The following PPP6R2 variants were observed in gnomAD, a reference collection of about 807,000 sequenced individuals.
PPP6R2 encodes the protein protein phosphatase 6 regulatory subunit 2.
Under a neutral mutation model 100.2 loss-of-function variants are expected in PPP6R2, and 62 were observed. The observed-to-expected ratio is 0.62, with a 90% CI of 0.50 to 0.76. The LOEUF is 0.76. Among genes scored for constraint, PPP6R2 ranks in the 30% least tolerant of loss-of-function variants. The probability of loss-of-function intolerance (pLI) is 0.00; values close to 1 mark genes in which losing one functional copy is unlikely to be tolerated. For synonymous variants in PPP6R2, 525 were observed against 514.7 expected (o/e 1.02, Z -0.27); for missense variants, 1,142 against 1,276.3 (o/e 0.89, Z 1.60).
chr22:50,413,670 A>ACCCCCCCCT (rs138644041), intron 4 of PPP6R2, among the ~76,000 whole-genome samples: 32 of 144,832 alleles, frequency 2.2e-4, no homozygotes, highest in East Asian at 6.4e-4. Flanking sequence ...CTCCTCCCCT[A>ACCCCCCCCT]CCCCCTCCTC....
At chr22:50,349,363 CAAAA>C (rs1225878624) in intron 1 of PPP6R2, among the ~76,000 whole-genome samples, 4 of 56,332 alleles carry the variant, frequency 7.1e-5, no homozygotes, top group East Asian at 8.9e-4. Flanking sequence ...GACCCTGTCT[CAAAA>C]AAAAAAAAAA....
At position 50,350,916 on chromosome 22, in the gene PPP6R2, T is replaced by C. The variant is rs552508826; in HGVS notation, c.-148+7366T>C. On this transcript the variant is annotated intron_variant, in intron 1 of 23. Coordinates refer to ENST00000612753, the MANE Select transcript of PPP6R2 (RefSeq NM_001242898.2). Reference sequence around the variant, plus strand: ...AGTATGTTAGCAGGCATGACAACATTAGTCTCCTTGTACATCTTAATCAGA... The same window carrying C: ...AGTATGTTAGCAGGCATGACAACATCAGTCTCCTTGTACATCTTAATCAGA... Among the ~76,000 whole-genome samples, 23 of 151,882 alleles carry C rather than the reference T, an allele frequency of 1.5e-4. 1 individual carries two copies. Among genetic ancestry groups the C allele is most frequent in the East Asian group, 3.9e-4 (2 of 5,120 alleles).
At chr22:50,365,910 G>T (rs1240322247) in intron 1 of PPP6R2, among the ~76,000 whole-genome samples, 2 of 151,948 alleles carry the variant, frequency 1.3e-5, no homozygotes, top group Non-Finnish European at 2.9e-5. Context: ...TAACTCATCT[G>T]TGTCATTTCT....
chr22:50,391,981 G>C (rs1048887428), intron 2 of PPP6R2: 6 of 150,622 alleles, frequency 4.0e-5, no homozygotes, highest in African/African-American at 9.7e-5. Context: ...GACAAGGTTG[G>C]ATTCACTTCT....
At chr22:50,352,869 C>G (rs2045635228) in intron 1 of PPP6R2, among the ~76,000 whole-genome samples, 1 of 151,980 alleles carries the variant, frequency 6.6e-6, no homozygotes, top group Non-Finnish European at 1.5e-5. Flanking sequence ...GAGTTTGAGA[C>G]CAACCTGAGT....
chr22:50,337,336 T>C, the PPP6R2 span, among the ~76,000 whole-genome samples: 1 of 139,176 alleles, frequency 7.2e-6, no homozygotes. Flanking sequence ...GTGGTGTGTG[T>C]GTCTGCGATG....
chr22:50,377,574 A>G (rs1270982379), intron 2 of PPP6R2, among the ~76,000 whole-genome samples: 1 of 152,240 alleles, frequency 6.6e-6, no homozygotes, highest in African/African-American at 2.4e-5. Flanking sequence ...ATGATGGGAA[A>G]CATAGGCCAG....
chr22:50,381,882 C>T (rs113305078), intron 2 of PPP6R2, among the ~76,000 whole-genome samples: 19 of 144,058 alleles, frequency 1.3e-4, no homozygotes, highest in Non-Finnish European at 2.5e-4. Context: ...CACTCCAGCC[C>T]GGGTGACAGA....
At chr22:50,435,175 T>G (rs2063959076) in intron 13 of PPP6R2, 94 bp downstream of exon 13, 1 of 1,051,492 alleles carries the variant, frequency 9.5e-7, no homozygotes, top group South Asian at 1.7e-5. Context: ...CGGCAGCAGG[T>G]GCTGACTGCA....
intron 2 of PPP6R2, among the ~76,000 whole-genome samples, chr22:50,380,154 G>T (rs145806163): frequency 6.6e-6 from 1 of 152,094 alleles, no homozygotes; most frequent in East Asian, 1.9e-4. Flanking sequence ...TTCAAGGGGA[G>T]CCAAAGGGAA....
intron 1 of PPP6R2, among the ~76,000 whole-genome samples, chr22:50,352,308 C>T (rs1385047673): frequency 2.0e-5 from 3 of 152,196 alleles, no homozygotes; most frequent in Non-Finnish European, 4.4e-5. Flanking sequence ...CATGAAACAA[C>T]CTCCGCTAGC....
chr22:50,403,106 A>G (rs1450104580), intron 3 of PPP6R2, among the ~76,000 whole-genome samples: 3 of 152,144 alleles, frequency 2.0e-5, no homozygotes, highest in African/African-American at 4.8e-5. Flanking sequence ...CCAGCTACAC[A>G]GGAGGCTGAG....
At chr22:50,339,016 TG>T (rs2042337273), upstream of PPP6R2, among the ~76,000 whole-genome samples, 3 of 68,300 alleles carry the variant, frequency 4.4e-5, no homozygotes, top group African/African-American at 1.6e-4. Flanking sequence ...TGGTGTGTGG[TG>T]TGTGTGTGTG....
At chr22:50,338,488 TGTATGTG>T (rs961121328), upstream of PPP6R2, among the ~76,000 whole-genome samples, 4 of 136,880 alleles carry the variant, frequency 2.9e-5, no homozygotes, top group African/African-American at 5.6e-5. Context: ...TGTTATGTAG[TGTATGTG>T]GTATGTGGTG....
At chr22:50,419,026 C>G (rs368003888) in intron 7 of PPP6R2, 47 bp downstream of exon 7, 88 of 1,445,758 alleles carry the variant, frequency 6.1e-5, no homozygotes, top group Non-Finnish European at 6.8e-5. Context: ...CTTTCTGGGT[C>G]ATGGGGACGT....
chr22:50,375,099 A>C lies in PPP6R2; in HGVS notation c.-17+2949A>C, dbSNP rs2051187799. On this transcript the variant is annotated intron_variant, in intron 2 of 23. Transcript: ENST00000612753. ...ATGAATGGAAGCCAGTAGAGAGTAGAATAATTCCTCAAAGCGACGAGAGCA... is the reference window on the plus strand; with the variant it reads ...ATGAATGGAAGCCAGTAGAGAGTAGCATAATTCCTCAAAGCGACGAGAGCA... Among the ~76,000 whole-genome samples the C allele has an allele frequency of 2.0e-5, 3 of 152,132 alleles. No individual in the cohort carries two copies. The South Asian group carries it at 6.2e-4, about 32-fold the overall frequency.
At chr22:50,396,051 A>G (rs1375503985) in intron 3 of PPP6R2, among the ~76,000 whole-genome samples, 2 of 148,866 alleles carry the variant, frequency 1.3e-5, no homozygotes, top group Non-Finnish European at 1.5e-5. Context: ...AAAAATTAGC[A>G]GGGCGTAGTG....
At chr22:50,337,746 T>C in the PPP6R2 span, among the ~76,000 whole-genome samples, 1 of 144,234 alleles carries the variant, frequency 6.9e-6, no homozygotes, top group African/African-American at 2.6e-5. Flanking sequence ...GTGTGTGTGG[T>C]ATGTGGAGTG....
intron 13 of PPP6R2, among the ~76,000 whole-genome samples, chr22:50,436,029 C>T (rs184198228): frequency 2.0e-5 from 3 of 152,336 alleles, no homozygotes; most frequent in Admixed American, 2.0e-4. Flanking sequence ...TTCTGTTCCA[C>T]GGCTTCTGCG....
Sources: allele counts gnomAD v4.1 joint callset (sites outside exome capture counted in the v4.1 genomes callset), GRCh38; gene constraint gnomAD v4.1.1; transcripts MANE v1.5; gene names NCBI Gene and HGNC (gene_info 2026-07-23, HGNC 2026-07-21).